STX1A: variants seen among roughly 807,000 people sequenced by gnomAD.
STX1A encodes syntaxin 1A, also known as syntaxin-1A.
A neutral mutation model predicts 37.8 loss-of-function variants in STX1A; 4 were observed. The ratio of observed to expected loss-of-function variants is 0.11; its 90% CI spans 0.05 to 0.24. The LOEUF is 0.24. Ranked by LOEUF, STX1A falls within the 10% of genes least tolerant of loss-of-function variation. STX1A has a pLI of 1.00. For synonymous variants in STX1A, 135 were observed against 147.4 expected (o/e 0.92, Z 0.61); for missense variants, 251 against 399.9 (o/e 0.63, Z 3.18).
chr7:73,705,110 T>C lies in STX1A; in HGVS notation c.283+40A>G. ...ATGGGCTCCGCAGAGGAAGCAGGCC[T>C]AGAATGCCCCCCACCCACCCCCAGA... On this transcript the variant is annotated intron_variant, in intron 4 of 9. Coordinates refer to ENST00000222812, the MANE Select transcript of STX1A (RefSeq NM_004603.4). This position sits in a 1 kb window ranked among gnomAD's most constrained non-coding sequence, Gnocchi z 5.2. 1 of 1,598,958 alleles carries C rather than the reference T, an allele frequency of 6.3e-7. No homozygotes were observed. The highest frequency in any genetic ancestry group is 8.6e-7 in the Non-Finnish European group (1 of 1,166,284).
In STX1A at chr7:73,703,739, T is replaced by C. The variant is rs781881421; in HGVS notation, c.540+16A>G. ...GGTGAGGGGGTCATGGCAGGAGGGA[T>C]GGGGCCTACACTCACCCCAGAGGCA... On this transcript the variant is annotated intron_variant, in intron 7 of 9. Transcript: ENST00000222812. The C allele has an allele frequency of 1.2e-6, 2 of 1,611,164 alleles. No homozygotes were observed.
rs1798855265 is a variant in STX1A, at chr7:73,705,918, C to G, written c.209-694G>C. 6.6e-6 allele frequency: 1 copy of G among 152,524 alleles called. No homozygotes were observed. The highest frequency in any genetic ancestry group is 2.4e-5 in the African/African-American group (1 of 41,418). 9.4% of individuals were successfully genotyped at this position (152,524 alleles called of 1,614,324 possible). A position where few individuals can be genotyped will look rare whatever the true frequency, so the allele number is the denominator to read the frequency against. ...GGGTGGTGACATAGTGTTTTGTGGC[C>G]CTTGTTCCAACTAGAACCATCTCCC... is the stretch of plus-strand genomic sequence containing the variant. On this transcript the variant is annotated intron_variant, in intron 3 of 9. Coordinates refer to ENST00000222812, the MANE Select transcript of STX1A (RefSeq NM_004603.4). The surrounding 1 kb of genome is among the most constrained non-coding windows in gnomAD (Gnocchi z 5.2).
intron 1 of STX1A, among the ~76,000 whole-genome samples, chr7:73,713,001 C>T (rs539232578): frequency 6.6e-6 from 1 of 152,332 alleles, no homozygotes; most frequent in East Asian, 1.9e-4. Flanking sequence ...AGCCAGGAAT[C>T]AGATAAGTGA....
rs1179194885 is a variant in STX1A, at chr7:73,709,564, G to A, written c.31-442C>T. 3.3e-5 allele frequency among the ~76,000 whole-genome samples: 5 copies of A among 152,166 alleles called. No homozygotes were observed. Among genetic ancestry groups the A allele is most frequent in the Non-Finnish European group, 7.4e-5 (5 of 68,022 alleles). ...CACACACAAACACATACACACATCT[G>A]TAGAGTTGAGGTCTTGCTGTGTCAC... On this transcript the variant is annotated intron_variant, in intron 1 of 9. Transcript: ENST00000222812. This position sits in a 1 kb window ranked among gnomAD's most constrained non-coding sequence, Gnocchi z 4.2.
rs782578123 is a variant in STX1A at position 73,702,793 on chromosome 7, C to T, written c.678+52G>A. 2.5e-6 allele frequency: 4 copies of T among 1,613,226 alleles called. No individual in the cohort carries two copies. Among genetic ancestry groups the T allele is most frequent in the South Asian group, 2.2e-5 (2 of 90,998 alleles). ...GGCAGAAAGGGCGAGGTTAGTGCAGCCCTGGGTGCTGGTGTGGGCTGGAGT... is the reference window on the plus strand; with the variant it reads ...GGCAGAAAGGGCGAGGTTAGTGCAGTCCTGGGTGCTGGTGTGGGCTGGAGT... On this transcript the variant is annotated intron_variant, in intron 8 of 9. Coordinates refer to ENST00000222812, the MANE Select transcript of STX1A (RefSeq NM_004603.4). The surrounding 1 kb of genome is among the most constrained non-coding windows in gnomAD (Gnocchi z 4.7).
chr7:73,710,450 G>T (rs1554617792), intron 1 of STX1A, among the ~76,000 whole-genome samples: 1 of 152,066 alleles, frequency 6.6e-6, no homozygotes, highest in East Asian at 1.9e-4. Context: ...TTTTTTGAGA[G>T]AGTCTCGCAC....
At position 73,708,807 on chromosome 7, in the gene STX1A, G is replaced by T. The variant is rs111950553; in HGVS notation, c.109-119C>A. ...TCAGGGGGAGGACGGGCCAGGCTCCGGGTGCTGGGGTGCAGTGGGGGTGCA... is the reference window on the plus strand; with the variant it reads ...TCAGGGGGAGGACGGGCCAGGCTCCTGGTGCTGGGGTGCAGTGGGGGTGCA... On this transcript the variant is annotated intron_variant, in intron 2 of 9. Transcript: ENST00000222812. 3.4e-3 allele frequency: 3,701 copies of T among 1,084,040 alleles called. 83 individuals carry two copies. In the African/African-American group the frequency reaches 0.05, roughly 15 times the overall value. The allele number at this position is 1,084,040 out of a possible 1,614,324, so 67.2% of individuals were successfully genotyped here.
chr7:73,700,707 T>C lies in STX1A; in HGVS notation c.789+23A>G, dbSNP rs1554615718. 1.2e-6 allele frequency: 2 copies of C among 1,613,066 alleles called. No homozygotes were observed. Among genetic ancestry groups the C allele is most frequent in the Non-Finnish European group, 8.5e-7 (1 of 1,179,880 alleles). On this transcript the variant is annotated intron_variant, in intron 9 of 9. Transcript: ENST00000222812. This position sits in a 1 kb window ranked among gnomAD's most constrained non-coding sequence, Gnocchi z 4.4. ...CCCTAATGGGTGCTGGGGCATGGCC[T>C]TGGGCAGGGCTGGGCTACTGACCCG...
In STX1A at chr7:73,700,811, A is replaced by G. The variant is rs1169504967; in HGVS notation, c.708T>C (p.Asn236=). ...CCACATAGTCTACCGCGTGTTCCAC[A>G]TTGTACTCGATCCTGTCAATCATCT... The part of the protein sequence containing the change: ...QGEMIDRIEY[N]VEHAVDYVER... Residue 236 remains asparagine, a synonymous_variant, in exon 9 of 10, where the codon AAT becomes AAC. Transcript: ENST00000222812. The surrounding 1 kb of genome is among the most constrained non-coding windows in gnomAD (Gnocchi z 4.4). The G allele has an allele frequency of 6.8e-6, 11 of 1,613,406 alleles. No individual in the cohort carries two copies. Among genetic ancestry groups the G allele is most frequent in the African/African-American group, 1.3e-5 (1 of 74,746 alleles).
chr7:73,702,551 C>G lies in STX1A; in HGVS notation c.678+294G>C. The G allele has an allele frequency of 3.9e-6, 3 of 775,094 alleles. No individual in the cohort carries two copies. The highest frequency in any genetic ancestry group is 2.8e-5 in the East Asian group (1 of 35,576). The allele number at this position is 775,094 out of a possible 1,614,324, so 48.0% of individuals were successfully genotyped here. A position where few individuals can be genotyped will look rare whatever the true frequency, so the allele number is the denominator to read the frequency against. Reference sequence around the variant, plus strand: ...TATGCCTTCAGTCTCTGGGGAAATGCGTGGCCCACAGTGGCCCCATGAGGA... The same window carrying G: ...TATGCCTTCAGTCTCTGGGGAAATGGGTGGCCCACAGTGGCCCCATGAGGA... On this transcript the variant is annotated intron_variant, in intron 8 of 9. Coordinates refer to ENST00000222812, the MANE Select transcript of STX1A (RefSeq NM_004603.4). The surrounding 1 kb of genome is among the most constrained non-coding windows in gnomAD (Gnocchi z 4.7).
rs565828563 is a variant in STX1A at position 73,709,806 on chromosome 7, C to A, written c.31-684G>T. Among the ~76,000 whole-genome samples the A allele has an allele frequency of 6.6e-5, 10 of 152,118 alleles. No individual in the cohort carries two copies. The highest frequency in any genetic ancestry group is 2.2e-4 in the African/African-American group (9 of 41,380). ...GGAGACCTGCCTACTGTGTCCCAGC[C>A]CTGGGCACCACTAAACCCCAGTCCC... On this transcript the variant is annotated intron_variant, in intron 1 of 9. Coordinates refer to ENST00000222812, the MANE Select transcript of STX1A (RefSeq NM_004603.4). This position sits in a 1 kb window ranked among gnomAD's most constrained non-coding sequence, Gnocchi z 4.2.
At chr7:73,719,455 A>C in intron 1 of STX1A, 147 bp downstream of exon 1, 2 of 797,568 alleles carry the variant, frequency 2.5e-6, no homozygotes, top group Non-Finnish European at 1.6e-6. Flanking sequence ...AGGGGGGTCG[A>C]GGTCCCTGGC....
chr7:73,703,578 C>T (rs1798748044), intron 7 of STX1A, 177 bp downstream of exon 7: 3 of 811,890 alleles, frequency 3.7e-6, no homozygotes, highest in Admixed American at 2.0e-5. Flanking sequence ...CCACCTTTGC[C>T]GCTGACATTT....
At chr7:73,713,887 G>C (rs542236070) in intron 1 of STX1A, among the ~76,000 whole-genome samples, 4 of 152,308 alleles carry the variant, frequency 2.6e-5, no homozygotes, top group African/African-American at 7.2e-5. Flanking sequence ...GTGGCAGCTG[G>C]AACTGTGGGG....
intron 2 of STX1A, 52 bp downstream of exon 2, chr7:73,708,993 G>A (rs1798992710): frequency 1.3e-6 from 2 of 1,594,518 alleles, no homozygotes; most frequent in South Asian, 1.1e-5. Context: ...GGCGAGAGTG[G>A]CCCCCCAAGT....
chr7:73,700,109 G>A lies in STX1A; in HGVS notation c.*298C>T. On this transcript the variant is annotated 3_prime_UTR_variant, in exon 10 of 10. Transcript: ENST00000222812. This position sits in a 1 kb window ranked among gnomAD's most constrained non-coding sequence, Gnocchi z 4.4. ...CCACCGAGTTACTGAAGGCAAGGAAGGGTGGCCTGTGTCACCCTGGCGGCC... is the reference window on the plus strand; with the variant it reads ...CCACCGAGTTACTGAAGGCAAGGAAAGGTGGCCTGTGTCACCCTGGCGGCC... 2.0e-6 allele frequency: 1 copy of A among 491,588 alleles called. No homozygotes were observed. The highest frequency in any genetic ancestry group is 3.7e-6 in the Non-Finnish European group (1 of 270,438). 30.5% of individuals were successfully genotyped at this position (491,588 alleles called of 1,614,324 possible).
chr7:73,705,727 G>A lies in STX1A; in HGVS notation c.209-503C>T, dbSNP rs1195041551. 8.8e-5 allele frequency: 14 copies of A among 158,740 alleles called. No homozygotes were observed. The highest frequency in any genetic ancestry group is 8.1e-4 in the Admixed American group (13 of 16,072). 9.8% of individuals were successfully genotyped at this position (158,740 alleles called of 1,614,324 possible). On this transcript the variant is annotated intron_variant, in intron 3 of 9. Coordinates refer to ENST00000222812, the MANE Select transcript of STX1A (RefSeq NM_004603.4). The surrounding 1 kb of genome is among the most constrained non-coding windows in gnomAD (Gnocchi z 5.2). Reference sequence around the variant, plus strand: ...CACTCTGGGTGGGGCAGACCTTGCTGTTCCCACAAAGCTACGCCTCCCTGG... The same window carrying A: ...CACTCTGGGTGGGGCAGACCTTGCTATTCCCACAAAGCTACGCCTCCCTGG...
chr7:73,714,768 G>C lies in STX1A; in HGVS notation c.30+4834C>G, dbSNP rs540459559. 9.2e-4 allele frequency among the ~76,000 whole-genome samples: 14 copies of C among 15,166 alleles called. No individual in the cohort carries two copies. In the South Asian group the frequency reaches 0.021, roughly 23 times the overall value. 9.9% of individuals were successfully genotyped at this position (15,166 alleles called of 152,430 possible). A position where few individuals can be genotyped will look rare whatever the true frequency, so the allele number is the denominator to read the frequency against. Reference sequence around the variant, plus strand: ...GCTGGGCGAGCACCAGAATCCTTTGGGGGGGTTAAAAAAAAAAAACAAAAA... The same window carrying C: ...GCTGGGCGAGCACCAGAATCCTTTGCGGGGGTTAAAAAAAAAAAACAAAAA... On this transcript the variant is annotated intron_variant, in intron 1 of 9. Coordinates refer to ENST00000222812, the MANE Select transcript of STX1A (RefSeq NM_004603.4).
intron 8 of STX1A, among the ~76,000 whole-genome samples, chr7:73,701,812 G>A (rs539988214): frequency 1.1e-4 from 16 of 152,302 alleles, no homozygotes; most frequent in Non-Finnish European, 2.2e-4. Context: ...CAACCTGGCT[G>A]GGTGCTGTGG....
Sources: allele counts gnomAD v4.1 joint callset (sites outside exome capture counted in the v4.1 genomes callset), GRCh38; gene constraint gnomAD v4.1.1; non-coding constraint Gnocchi (gnomAD v3.1); transcripts MANE v1.5; gene names NCBI Gene and HGNC (gene_info 2026-07-23, HGNC 2026-07-21).